Variants in ZBTB20 observed in about 807,000 individuals in gnomAD.
The protein encoded by ZBTB20 is zinc finger and BTB domain-containing protein 20.
In ZBTB20, 9 loss-of-function variants were observed where a neutral mutation model predicts 56.9. The ratio of observed to expected loss-of-function variants is 0.16; its 90% CI spans 0.10 to 0.28. The LOEUF (loss-of-function observed/expected upper bound fraction) is 0.28. Among genes scored for constraint, ZBTB20 ranks in the 10% least tolerant of loss-of-function variants. The probability of loss-of-function intolerance (pLI) is 1.00; values close to 1 mark genes in which losing one functional copy is unlikely to be tolerated. For synonymous variants in ZBTB20, 417 were observed against 420.7 expected (o/e 0.99, Z 0.11); for missense variants, 655 against 1,003.0 (o/e 0.65, Z 4.69).
chr3:114,752,794 T>A (rs1190655047), intron 5 of ZBTB20, among the ~76,000 whole-genome samples: 2 of 152,176 alleles, frequency 1.3e-5, no homozygotes, highest in South Asian at 2.1e-4. Flanking sequence ...GGCCACATAC[T>A]ATTGTTAATT....
chr3:115,118,546 TA>T (rs1192770997), intron 1 of ZBTB20, among the ~76,000 whole-genome samples: 4 of 150,318 alleles, frequency 2.7e-5, no homozygotes, highest in African/African-American at 4.9e-5. Flanking sequence ...TCCCCTATTT[TA>T]AAAAAAAAGT....
chr3:114,898,393 T>A (rs990578950), intron 4 of ZBTB20, among the ~76,000 whole-genome samples: 1 of 152,140 alleles, frequency 6.6e-6, no homozygotes, highest in African/African-American at 2.4e-5. Flanking sequence ...GTTATTTCAA[T>A]TATTCATTAA....
intron 5 of ZBTB20, among the ~76,000 whole-genome samples, chr3:114,728,108 G>C (rs2065440770): frequency 6.6e-6 from 1 of 152,098 alleles, no homozygotes; most frequent in African/African-American, 2.4e-5. Flanking sequence ...AATTTAAATA[G>C]ACAACAACAT....
chr3:114,437,422 A>G (rs2090595901), intron 7 of ZBTB20, among the ~76,000 whole-genome samples: 1 of 152,132 alleles, frequency 6.6e-6, no homozygotes, highest in Admixed American at 6.5e-5. Context: ...TCTCTCCATC[A>G]GATCCCTTCT....
chr3:114,675,190 G>A (rs1240461616), intron 6 of ZBTB20, among the ~76,000 whole-genome samples: 1 of 151,550 alleles, frequency 6.6e-6, no homozygotes, highest in African/African-American at 2.4e-5. Flanking sequence ...TCTTGTCCTT[G>A]CATCACAACC....
chr3:114,401,484 CAG>C (rs561421734), intron 7 of ZBTB20, among the ~76,000 whole-genome samples: 37 of 152,000 alleles, frequency 2.4e-4, no homozygotes, highest in Admixed American at 2.0e-3. Flanking sequence ...TTTGTTTGAC[CAG>C]AGAGTGATAT....
intron 7 of ZBTB20, among the ~76,000 whole-genome samples, chr3:114,464,638 C>G (rs2092464859): frequency 6.6e-6 from 1 of 152,068 alleles, no homozygotes; most frequent in Non-Finnish European, 1.5e-5. Flanking sequence ...ATAAATAAAG[C>G]TCTAGGTAAC....
rs1223732179 is a variant in ZBTB20, at chr3:114,883,916, C to CCTT, written c.-417+16387_-417+16388insAAG. On this transcript the variant is annotated intron_variant, in intron 4 of 11. Transcript: ENST00000675478. ...GTATAACTGGTAAGAATGGTGTGTT[C>CCTT]TTTTTTTTTTTTTTTTTTTTTTTTT... Among the ~76,000 whole-genome samples the CCTT allele has an allele frequency of 1.3e-3, 118 of 89,820 alleles. 31 individuals are homozygous for CCTT. The highest frequency in any genetic ancestry group is 1.6e-3 in the South Asian group (4 of 2,552). The allele number at this position is 89,820 out of a possible 152,430, so 58.9% of individuals were successfully genotyped here.
At chr3:114,977,759 T>C (rs767944331) in intron 2 of ZBTB20, among the ~76,000 whole-genome samples, 5 of 152,086 alleles carry the variant, frequency 3.3e-5, no homozygotes, top group Non-Finnish European at 5.9e-5. Context: ...TACACAGTGG[T>C]ATATAATATA....
intron 10 of ZBTB20, among the ~76,000 whole-genome samples, chr3:114,357,686 G>A (rs796448771): frequency 2.2e-4 from 34 of 152,218 alleles, no homozygotes; most frequent in African/African-American, 7.9e-4. Flanking sequence ...TAAGAGCTGT[G>A]GATTGAGATT....
At chr3:114,883,803 T>C (rs2076487214) in intron 4 of ZBTB20, among the ~76,000 whole-genome samples, 1 of 151,786 alleles carries the variant, frequency 6.6e-6, no homozygotes, top group South Asian at 2.1e-4. Flanking sequence ...GTGGTATTTC[T>C]AAGAAAGCAA....
chr3:114,670,158 A>C (rs1478727434), intron 6 of ZBTB20, among the ~76,000 whole-genome samples: 1 of 152,070 alleles, frequency 6.6e-6, no homozygotes, highest in African/African-American at 2.4e-5. Context: ...ACCAATGTGA[A>C]GTTGTACAGA....
intron 4 of ZBTB20, among the ~76,000 whole-genome samples, chr3:114,876,873 CATA>C (rs2076219199): frequency 2.6e-5 from 4 of 152,212 alleles, no homozygotes; most frequent in African/African-American, 9.6e-5. Flanking sequence ...CTAATGCTTC[CATA>C]ATATTTTATC....
intron 7 of ZBTB20, among the ~76,000 whole-genome samples, chr3:114,444,659 T>C (rs138871049): frequency 7.9e-5 from 12 of 152,296 alleles, no homozygotes; most frequent in Middle Eastern, 3.4e-3. Flanking sequence ...AGTTTTCTTA[T>C]TGGCAAAATG....
At chr3:114,899,442 A>G (rs2075018857) in intron 4 of ZBTB20, among the ~76,000 whole-genome samples, 1 of 150,912 alleles carries the variant, frequency 6.6e-6, no homozygotes, top group African/African-American at 2.4e-5. Context: ...ATTATTATCA[A>G]CCCAGTTATC....
At chr3:114,852,740 G>C (rs1560322745) in intron 4 of ZBTB20, among the ~76,000 whole-genome samples, 1 of 152,022 alleles carries the variant, frequency 6.6e-6, no homozygotes, top group Non-Finnish European at 1.5e-5. Context: ...GCTAAATCTG[G>C]GTCCAATGCA....
intron 3 of ZBTB20, among the ~76,000 whole-genome samples, chr3:114,902,006 C>T (rs756452444): frequency 6.6e-6 from 1 of 151,996 alleles, no homozygotes; most frequent in Non-Finnish European, 1.5e-5. Context: ...TTATAAAATG[C>T]TATATTGAAT....
chr3:115,066,484 A>G (rs1165478151), intron 2 of ZBTB20, among the ~76,000 whole-genome samples: 1 of 152,030 alleles, frequency 6.6e-6, no homozygotes, highest in Non-Finnish European at 1.5e-5. Flanking sequence ...TGCCCTCACT[A>G]TACTTCACCC....
chr3:115,111,747 A>AT (rs1039358704), intron 1 of ZBTB20, among the ~76,000 whole-genome samples: 3 of 152,216 alleles, frequency 2.0e-5, no homozygotes, highest in African/African-American at 4.8e-5. Context: ...TAAATAATAA[A>AT]TTAGAGAAGT....
Sources: gnomAD v4.1 joint callset for allele counts (sites outside exome capture counted in the v4.1 genomes callset) on GRCh38, gnomAD v4.1.1 for gene constraint, MANE v1.5 for transcripts, NCBI Gene and HGNC (gene_info 2026-07-23, HGNC 2026-07-21) for gene names.